The following CIT variants were observed in gnomAD, a reference collection of about 807,000 sequenced individuals.
CIT encodes citron Rho-interacting kinase.
A neutral mutation model predicts 272.7 loss-of-function variants in CIT; 79 were observed. That is an observed-to-expected ratio of 0.29 (90% confidence interval 0.24 to 0.35). CIT has a LOEUF of 0.35. Among genes scored for constraint, CIT ranks in the 10% least tolerant of loss-of-function variants. The pLI, the probability that CIT is intolerant of heterozygous loss-of-function variation, is 1.00. For missense variants in CIT, 1,909 were observed against 2,618.3 expected (o/e 0.73, Z 5.91); for synonymous variants, 948 against 995.6 (o/e 0.95, Z 0.90).
chr12:119,827,072 C>T (rs1160684558), intron 7 of CIT, among the ~76,000 whole-genome samples: 1 of 152,114 alleles, frequency 6.6e-6, no homozygotes, highest in Non-Finnish European at 1.5e-5. Context: ...TTTTTCCAAG[C>T]CCTAAACCCA....
intron 5 of CIT, among the ~76,000 whole-genome samples, chr12:119,834,802 GA>G (rs1191312301): frequency 6.6e-6 from 1 of 152,154 alleles, no homozygotes; most frequent in Non-Finnish European, 1.5e-5. Context: ...AAGATAAATA[GA>G]TTCCTTGCAG....
At chr12:119,806,721 T>C (rs1298228935) in intron 9 of CIT, among the ~76,000 whole-genome samples, 1 of 143,396 alleles carries the variant, frequency 7.0e-6, no homozygotes, top group Non-Finnish European at 1.5e-5. Flanking sequence ...CAACAACAGA[T>C]ACAAGAAATG....
intron 46 of CIT, among the ~76,000 whole-genome samples, chr12:119,695,781 G>A (rs558966761): frequency 7.2e-5 from 11 of 151,754 alleles, no homozygotes; most frequent in African/African-American, 2.2e-4. Context: ...CAGAGACCCT[G>A]TCCCAAAAAA....
intron 19 of CIT, among the ~76,000 whole-genome samples, chr12:119,761,425 G>C (rs1961778825): frequency 6.6e-6 from 1 of 152,152 alleles, no homozygotes; most frequent in South Asian, 2.1e-4. Context: ...ATAATCTGCA[G>C]ATATTACCTG....
At chr12:119,791,726 C>CT (rs966549277) in intron 10 of CIT, among the ~76,000 whole-genome samples, 9 of 151,988 alleles carry the variant, frequency 5.9e-5, no homozygotes, top group African/African-American at 1.9e-4. Flanking sequence ...TTGGGTTTTC[C>CT]TTTTTTTTCC....
chr12:119,715,087 G>C (rs1410395459), intron 32 of CIT, among the ~76,000 whole-genome samples: 1 of 152,152 alleles, frequency 6.6e-6, no homozygotes, highest in Non-Finnish European at 1.5e-5. Flanking sequence ...TAGTGAATAA[G>C]ATCTGATAGT....
intron 28 of CIT, among the ~76,000 whole-genome samples, chr12:119,723,465 C>A (rs1957912812): frequency 6.6e-6 from 1 of 151,084 alleles, no homozygotes; most frequent in East Asian, 1.9e-4. Flanking sequence ...GAAGCATTTA[C>A]CTGCTTCCCA....
intron 10 of CIT, among the ~76,000 whole-genome samples, chr12:119,788,764 G>A (rs537658478): frequency 3.9e-5 from 6 of 152,252 alleles, no homozygotes; most frequent in South Asian, 2.1e-4. Flanking sequence ...GAGACCATGC[G>A]ACAGCCCTCC....
intron 41 of CIT, among the ~76,000 whole-genome samples, chr12:119,703,052 G>A (rs1002955539): frequency 1.3e-5 from 2 of 152,168 alleles, no homozygotes; most frequent in Non-Finnish European, 2.9e-5. Flanking sequence ...TTTTCCTGAA[G>A]CTAACAGTTC....
At position 119,701,658 on chromosome 12, in the gene CIT, T is replaced by C; in HGVS notation, c.5508A>G (p.Ala1836=). 1 of 1,614,204 alleles carries C rather than the reference T, an allele frequency of 6.2e-7. No individual in the cohort carries two copies. The highest frequency in any genetic ancestry group is 8.5e-7 in the Non-Finnish European group (1 of 1,180,026). The change falls in exon 43 of 48, where the codon GCA becomes GCG. Residue 1836 remains alanine, a synonymous_variant. Coordinates refer to ENST00000392521, the MANE Select transcript of CIT (RefSeq NM_001206999.2). The stretch of plus-strand genomic sequence containing the variant: ...ACAGCAAGTACTCCTCTCGCTGCCC[T>C]GCGCTGTTCACCTGCACGATTGAGA... ...FPVSIVQVNS[A]GQREEYLLCF...
chr12:119,854,882 C>T (rs112414612), intron 4 of CIT, among the ~76,000 whole-genome samples: 4 of 152,058 alleles, frequency 2.6e-5, no homozygotes, highest in African/African-American at 7.2e-5. Flanking sequence ...ACCTGGGAGG[C>T]GGGGTTGCAG....
At chr12:119,868,728 G>A (rs1950583643) in intron 3 of CIT, among the ~76,000 whole-genome samples, 1 of 152,096 alleles carries the variant, frequency 6.6e-6, no homozygotes, top group Non-Finnish European at 1.5e-5. Context: ...TGTAGAGATG[G>A]GGTTTCACCA....
intron 5 of CIT, among the ~76,000 whole-genome samples, chr12:119,842,217 C>G (rs1162828155): frequency 1.3e-5 from 2 of 151,750 alleles, no homozygotes; most frequent in African/African-American, 2.4e-5. Context: ...GGTGAAACTC[C>G]GTCTCTACTA....
chr12:119,876,101 C>A lies in CIT; in HGVS notation c.68G>T (p.Arg23Leu). Residue 23 changes from arginine (R) to leucine (L), a missense_variant, in exon 2 of 48, where the codon CGG (arginine) becomes CTG (leucine). Coordinates refer to ENST00000392521, the MANE Select transcript of CIT (RefSeq NM_001206999.2). ...DAGAAEPIAS[R>L]ASRLNLFFQG... ...GAAGAACAGATTCAGCCTGGAGGCCCGGCTGGCAATGGGTTCAGCAGCACC... is the reference window on the plus strand; with the variant it reads ...GAAGAACAGATTCAGCCTGGAGGCCAGGCTGGCAATGGGTTCAGCAGCACC... 1 of 1,613,632 alleles carries A rather than the reference C, an allele frequency of 6.2e-7. No homozygotes were observed. Among genetic ancestry groups the A allele is most frequent in the Non-Finnish European group, 8.5e-7 (1 of 1,179,708 alleles).
At chr12:119,731,514 GA>G (rs1958441964) in intron 26 of CIT, among the ~76,000 whole-genome samples, 1 of 149,296 alleles carries the variant, frequency 6.7e-6, no homozygotes, top group Non-Finnish European at 1.5e-5. Flanking sequence ...AGTGAAACTT[GA>G]ATCTGATGAG....
intron 5 of CIT, among the ~76,000 whole-genome samples, chr12:119,841,386 G>A (rs546793458): frequency 3.3e-5 from 5 of 152,132 alleles, no homozygotes; most frequent in Admixed American, 3.3e-4. Flanking sequence ...TGTTGGCCAG[G>A]CTGGTCTCAA....
chr12:119,841,604 C>G (rs1014536637), intron 5 of CIT, among the ~76,000 whole-genome samples: 1 of 152,198 alleles, frequency 6.6e-6, no homozygotes, highest in African/African-American at 2.4e-5. Context: ...TCCCAGTCTC[C>G]TTAGCAGCTA....
At chr12:119,823,496 G>A (rs370536042) in intron 8 of CIT, among the ~76,000 whole-genome samples, 3 of 152,130 alleles carry the variant, frequency 2.0e-5, no homozygotes, top group African/African-American at 4.8e-5. Context: ...GTATGATAAC[G>A]CACTCGTTAT....
At chr12:119,872,405 T>A (rs375399264) in intron 2 of CIT, among the ~76,000 whole-genome samples, 1 of 152,114 alleles carries the variant, frequency 6.6e-6, no homozygotes, top group South Asian at 2.1e-4. Flanking sequence ...CTCACCTGAA[T>A]GGAAAACAAA....
Sources: allele counts gnomAD v4.1 joint callset (sites outside exome capture counted in the v4.1 genomes callset), GRCh38; gene constraint gnomAD v4.1.1; transcripts MANE v1.5; gene names NCBI Gene and HGNC (gene_info 2026-07-23, HGNC 2026-07-21).